PTPRT: variants seen among roughly 807,000 people sequenced by gnomAD.
PTPRT encodes receptor-type tyrosine-protein phosphatase T.
Under a neutral mutation model 176.8 loss-of-function variants are expected in PTPRT, and 56 were observed. The observed-to-expected ratio is 0.32, with a 90% CI of 0.26 to 0.40. The LOEUF is 0.40. PTPRT is among the 10% of genes least tolerant of loss of function. The pLI, the probability that PTPRT is intolerant of heterozygous loss-of-function variation, is 1.00. For synonymous variants in PTPRT, 783 were observed against 739.0 expected, an observed-to-expected ratio of 1.06 and a Z score of -0.96; for missense variants, 1,540 against 1,908.2, an observed-to-expected ratio of 0.81 and a Z score of 3.60.
chr20:42,585,815 G>A (rs2073460782), intron 7 of PTPRT, among the ~76,000 whole-genome samples: 1 of 152,164 alleles, frequency 6.6e-6, no homozygotes, highest in African/African-American at 2.4e-5. Context: ...CCATGGAGAA[G>A]TGAGGGTCTA....
At chr20:42,445,344 A>G (rs1248944702) in intron 9 of PTPRT, among the ~76,000 whole-genome samples, 1 of 152,194 alleles carries the variant, frequency 6.6e-6, no homozygotes, top group East Asian at 1.9e-4. Context: ...GTAATCCTAT[A>G]AGGCCATTTT....
intron 7 of PTPRT, among the ~76,000 whole-genome samples, chr20:42,660,971 C>A (rs2075213064): frequency 6.6e-6 from 1 of 152,092 alleles, no homozygotes; most frequent in African/African-American, 2.4e-5. Flanking sequence ...CCTGCCTCAG[C>A]CTCCCAAGTA....
chr20:43,049,126 C>T (rs1246832411), intron 1 of PTPRT, among the ~76,000 whole-genome samples: 1 of 152,152 alleles, frequency 6.6e-6, no homozygotes, highest in Admixed American at 6.5e-5. Flanking sequence ...AAGAAAAGAA[C>T]ACCAATCACC....
rs367744132 is a variant in PTPRT, at chr20:42,085,714, G to A, written c.3972+14C>T. The A allele has an allele frequency of 1.1e-5, 18 of 1,613,204 alleles. No individual in the cohort carries two copies. The highest frequency in any genetic ancestry group is 1.1e-4 in the African/African-American group (8 of 74,988). ...GAGGAGGGGCTCAGCAAGCAATGGC[G>A]GCCGTGTACTTACCCGGGCCATGTT... On this transcript the variant is annotated intron_variant, in intron 28 of 30. Transcript: ENST00000373187.
chr20:43,086,088 C>T (rs1306928470), intron 1 of PTPRT, among the ~76,000 whole-genome samples: 2 of 152,152 alleles, frequency 1.3e-5, no homozygotes, highest in South Asian at 2.1e-4. Context: ...AAGGGCAAGA[C>T]CAAAGGAAGA....
intron 1 of PTPRT, among the ~76,000 whole-genome samples, chr20:42,959,758 G>A (rs1259796063): frequency 3.3e-5 from 5 of 152,166 alleles, no homozygotes; most frequent in Non-Finnish European, 7.3e-5. Flanking sequence ...CAGAACCCAT[G>A]CACAAGCCAT....
intron 11 of PTPRT, among the ~76,000 whole-genome samples, chr20:42,342,641 C>A (rs1362245989): frequency 6.6e-6 from 1 of 152,210 alleles, no homozygotes; most frequent in African/African-American, 2.4e-5. Flanking sequence ...ATGTTCGTTT[C>A]TCTTTCCTAA....
intron 16 of PTPRT, among the ~76,000 whole-genome samples, chr20:42,184,592 T>TTCTTCTTCTTCTTCTTCC (rs1283757363): frequency 7.1e-6 from 1 of 141,516 alleles, no homozygotes; most frequent in African/African-American, 2.8e-5. Flanking sequence ...CTTCTTCTTC[T>TTCTTCTTCTTCTTCTTCC]TCCTCTTCTT....
intron 2 of PTPRT, among the ~76,000 whole-genome samples, chr20:42,868,569 T>A (rs574810688): frequency 6.6e-6 from 1 of 152,184 alleles, no homozygotes; most frequent in Admixed American, 6.5e-5. Context: ...GAAGCAGAGC[T>A]TAAAGATTTT....
chr20:42,103,085 A>T lies in PTPRT; in HGVS notation c.3541-788T>A, dbSNP rs911163743. On this transcript the variant is annotated intron_variant, in intron 25 of 30. Transcript: ENST00000373187. ...CATTTGCCCACTGACTTGAAGCAAG[A>T]CCTGGAGCTTCCTTGCTTTCTCATA... 2.6e-5 allele frequency among the ~76,000 whole-genome samples: 4 copies of T among 152,192 alleles called. No individual in the cohort carries two copies. In the East Asian group the frequency reaches 7.7e-4, roughly 29 times the overall value.
chr20:42,086,805 C>T (rs1984014613), intron 27 of PTPRT, among the ~76,000 whole-genome samples: 1 of 138,284 alleles, frequency 7.2e-6, no homozygotes, highest in Non-Finnish European at 1.5e-5. Flanking sequence ...CAAATCTGGT[C>T]TCAGGTGCTC....
chr20:42,648,042 G>C (rs2074945771), intron 7 of PTPRT, among the ~76,000 whole-genome samples: 1 of 152,018 alleles, frequency 6.6e-6, no homozygotes, highest in African/African-American at 2.4e-5. Context: ...TCTTTCCTTA[G>C]ACTTTAGGTG....
intron 9 of PTPRT, among the ~76,000 whole-genome samples, chr20:42,427,502 T>A (rs1461368180): frequency 7.1e-6 from 1 of 141,172 alleles, no homozygotes; most frequent in Non-Finnish European, 1.5e-5. Flanking sequence ...TTGTTCTTCA[T>A]CGATGGCGCC....
chr20:43,057,914 T>C (rs1017842964), intron 1 of PTPRT, among the ~76,000 whole-genome samples: 14 of 152,242 alleles, frequency 9.2e-5, no homozygotes, highest in African/African-American at 3.4e-4. Flanking sequence ...AAGTCAGTTT[T>C]GTTCCCCCAC....
intron 2 of PTPRT, among the ~76,000 whole-genome samples, chr20:42,859,581 TTTTAA>T (rs2078624257): frequency 7.4e-6 from 1 of 135,032 alleles, no homozygotes; most frequent in African/African-American, 3.2e-5. Context: ...TTATTTTTTT[TTTTAA>T]TTTTTTTTTT....
At chr20:42,621,769 G>A (rs776764292) in intron 7 of PTPRT, among the ~76,000 whole-genome samples, 1 of 152,126 alleles carries the variant, frequency 6.6e-6, no homozygotes, top group Non-Finnish European at 1.5e-5. Context: ...ACTCTCAAAT[G>A]TCTACTTCCA....
chr20:42,423,450 A>C (rs546111890), intron 9 of PTPRT, among the ~76,000 whole-genome samples: 106 of 151,836 alleles, frequency 7.0e-4, no homozygotes, highest in African/African-American at 2.4e-3. Context: ...TCTGGCCCCA[A>C]CTCTCTCAGC....
intron 1 of PTPRT, among the ~76,000 whole-genome samples, chr20:42,946,832 G>A (rs76125618): frequency 6.6e-6 from 1 of 152,082 alleles, no homozygotes; most frequent in South Asian, 2.1e-4. Flanking sequence ...TTTGAGCAAG[G>A]TATTTGCCCT....
chr20:42,579,083 G>C (rs185603373), intron 7 of PTPRT, among the ~76,000 whole-genome samples: 1 of 118,424 alleles, frequency 8.4e-6, no homozygotes, highest in African/African-American at 3.4e-5. Flanking sequence ...AACAGGCCCT[G>C]GTGTGTGATG....
Sources: gnomAD v4.1 joint callset for allele counts (sites outside exome capture counted in the v4.1 genomes callset) on GRCh38, gnomAD v4.1.1 for gene constraint, MANE v1.5 for transcripts, NCBI Gene and HGNC (gene_info 2026-07-23, HGNC 2026-07-21) for gene names.